Variants in CS observed in about 807,000 individuals in gnomAD.
CS encodes the protein citrate synthase, mitochondrial.
In CS, 13 loss-of-function variants were observed where a neutral mutation model predicts 61.4. That is an observed-to-expected ratio of 0.21 (90% CI 0.14 to 0.34). The LOEUF is 0.34. Ranked by LOEUF, CS falls within the 10% of genes least tolerant of loss-of-function variation. The pLI, the probability that CS is intolerant of heterozygous loss-of-function variation, is 1.00. For missense variants in CS, 278 were observed against 573.4 expected (o/e 0.48, Z 5.26); for synonymous variants, 159 against 215.2 (o/e 0.74, Z 2.29).
intron 1 of CS, among the ~76,000 whole-genome samples, chr12:56,299,247 A>G (rs1873401788): frequency 6.6e-6 from 1 of 152,198 alleles, no homozygotes; most frequent in Non-Finnish European, 1.5e-5. Flanking sequence ...CAAGTTACTT[A>G]GAACTAAAAG....
chr12:56,286,824 CAGG>C (rs1215524204), intron 1 of CS, among the ~76,000 whole-genome samples, 179 bp from the exon 2 acceptor site: 3 of 152,170 alleles, frequency 2.0e-5, no homozygotes, highest in African/African-American at 2.4e-5. Flanking sequence ...ATGGAGACAG[CAGG>C]AGGTTTAACT....
chr12:56,275,866 C>A, intron 7 of CS, 130 bp downstream of exon 7: 1 of 805,428 alleles, frequency 1.2e-6, no homozygotes. Flanking sequence ...TTGGATCATC[C>A]TTTATGCCAC....
rs770145994 is a variant in CS, at chr12:56,278,563, C to A, written c.589-2368G>T. On this transcript the variant is annotated intron_variant, in intron 6 of 10. Transcript: ENST00000351328. ...ACCATCCTGGCCAACAAGGCAAAAC[C>A]CCATCTCTACTAAAAATACAAAAAT... Among the ~76,000 whole-genome samples, 4 of 151,864 alleles carry A rather than the reference C, an allele frequency of 2.6e-5. 1 individual carries two copies. The highest frequency in any genetic ancestry group is 2.6e-4 in the Admixed American group (4 of 15,256).
intron 6 of CS, among the ~76,000 whole-genome samples, chr12:56,277,128 C>A (rs962818708): frequency 6.8e-6 from 1 of 146,044 alleles, no homozygotes; most frequent in South Asian, 2.2e-4. Context: ...TGCTTGAACC[C>A]GGGAGGTGGA....
chr12:56,275,716 C>A (rs534673073), intron 7 of CS: 2 of 474,728 alleles, frequency 4.2e-6, no homozygotes, highest in Admixed American at 3.6e-5. Flanking sequence ...CCCCAAAGAG[C>A]GAGCTCCTGG....
chr12:56,278,979 T>C (rs1592407270), intron 6 of CS, among the ~76,000 whole-genome samples: 1 of 152,080 alleles, frequency 6.6e-6, no homozygotes, highest in Non-Finnish European at 1.5e-5. Flanking sequence ...TTCGCCATGT[T>C]GGCCAGACTG....
chr12:56,284,558 G>A (rs1336298442), intron 3 of CS, among the ~76,000 whole-genome samples: 1 of 150,932 alleles, frequency 6.6e-6, no homozygotes, highest in Non-Finnish European at 1.5e-5. Context: ...TTATAGGCAC[G>A]TGCCACCATG....
chr12:56,288,345 A>T (rs1565622604), intron 1 of CS, among the ~76,000 whole-genome samples: 1 of 147,814 alleles, frequency 6.8e-6, no homozygotes, highest in Non-Finnish European at 1.5e-5. Flanking sequence ...GGCTTTTTAG[A>T]ATTTTTTTTT....
chr12:56,276,628 G>C (rs940993235), intron 6 of CS, among the ~76,000 whole-genome samples: 1 of 152,086 alleles, frequency 6.6e-6, no homozygotes, highest in East Asian at 1.9e-4. Context: ...TGCAACCTCC[G>C]CCTCCCAAGT....
At chr12:56,296,831 G>A (rs1471644992) in intron 1 of CS, among the ~76,000 whole-genome samples, 1 of 152,166 alleles carries the variant, frequency 6.6e-6, no homozygotes, top group East Asian at 1.9e-4. Flanking sequence ...TGCCATTCTA[G>A]TATCAAGGAA....
chr12:56,275,794 T>C, intron 7 of CS: 2 of 596,108 alleles, frequency 3.4e-6, no homozygotes, highest in Non-Finnish European at 3.0e-6. Context: ...ATCTTGTTCT[T>C]AGCATGGTTA....
At chr12:56,291,261 G>C in intron 1 of CS, 3 of 1,112,816 alleles carry the variant, frequency 2.7e-6, no homozygotes, top group Non-Finnish European at 3.3e-6. Context: ...TCCCAGGAAA[G>C]AGGCAGTCAA....
chr12:56,300,066 C>A, intron 1 of CS, 94 bp downstream of exon 1: 2 of 1,281,676 alleles, frequency 1.6e-6, no homozygotes, highest in South Asian at 1.3e-5. Context: ...GCGCAGGGTG[C>A]GCACGGGTGT....
At chr12:56,299,815 C>T (rs1873423120) in intron 1 of CS, 1 of 289,270 alleles carries the variant, frequency 3.5e-6, no homozygotes, top group Non-Finnish European at 6.6e-6. Context: ...AACACCACAT[C>T]TCTAGTCTCT....
intron 5 of CS, 104 bp downstream of exon 5, chr12:56,282,756 A>G (rs1872812254): frequency 1.9e-6 from 3 of 1,566,102 alleles, no homozygotes; most frequent in South Asian, 2.3e-5. Context: ...CCTTCCCTTC[A>G]CTACGCATCT....
chr12:56,274,105 G>C (rs1375465921), intron 9 of CS: 2 of 382,936 alleles, frequency 5.2e-6, no homozygotes, highest in African/African-American at 4.2e-5. Context: ...CCTGAGGTTG[G>C]GAGTCCTAGA....
chr12:56,293,197 T>C (rs996156370), intron 1 of CS, among the ~76,000 whole-genome samples: 1 of 152,228 alleles, frequency 6.6e-6, no homozygotes, highest in Non-Finnish European at 1.5e-5. Flanking sequence ...GTTCCACATC[T>C]AGCACCCTCA....
At chr12:56,300,119 C>T (rs1414242111) in intron 1 of CS, 41 bp downstream of exon 1, 4 of 1,546,196 alleles carry the variant, frequency 2.6e-6, no homozygotes, top group Admixed American at 3.9e-5. Flanking sequence ...GTCGCCTCAG[C>T]CCCACCCTGG....
rs569034086 is a variant in CS at position 56,283,312 on chromosome 12, C to T, written c.268-321G>A. Among the ~76,000 whole-genome samples the T allele has an allele frequency of 7.2e-5, 11 of 152,218 alleles. No individual in the cohort carries two copies. In the South Asian group the frequency reaches 1.0e-3, roughly 14 times the overall value. ...AGGCTGGAGTGCAGTGGTGCGATCT[C>T]GGCTCACTGCAAACTCCGCCTCCTG... On this transcript the variant is annotated intron_variant, in intron 4 of 10. Transcript: ENST00000351328.
Sources: gnomAD v4.1 joint callset for allele counts (sites outside exome capture counted in the v4.1 genomes callset) on GRCh38, gnomAD v4.1.1 for gene constraint, MANE v1.5 for transcripts, NCBI Gene and HGNC (gene_info 2026-07-23, HGNC 2026-07-21) for gene names.